The following RNGTT variants were observed in gnomAD, a reference collection of about 807,000 sequenced individuals.
RNGTT encodes the protein RNA guanylyltransferase and 5'-phosphatase.
RNGTT carries 33 observed loss-of-function variants against 79.3 expected under a neutral mutation model. That is an observed-to-expected ratio of 0.42 (90% CI 0.32 to 0.56). The LOEUF is 0.56. Among genes scored for constraint, RNGTT ranks in the 20% least tolerant of loss-of-function variants. The pLI is 0.17. For synonymous variants in RNGTT, 222 were observed against 235.9 expected (o/e 0.94, Z 0.54); for missense variants, 497 against 739.1 (o/e 0.67, Z 3.80).
intron 12 of RNGTT, 45 bp downstream of exon 12, chr6:88,801,519 C>A (rs1416501560): frequency 1.4e-6 from 2 of 1,472,624 alleles, no homozygotes; most frequent in African/African-American, 1.4e-5. Flanking sequence ...TACACACACA[C>A]ACAAACACAC....
chr6:88,784,155 A>C (rs1329568962), intron 12 of RNGTT, among the ~76,000 whole-genome samples: 1 of 152,182 alleles, frequency 6.6e-6, no homozygotes, highest in African/African-American at 2.4e-5. Flanking sequence ...TACAGGCAAT[A>C]AGGATGAGTT....
rs145327660 is a variant in RNGTT at position 88,694,019 on chromosome 6, C to A, written c.1440-15600G>T. The stretch of plus-strand genomic sequence containing the variant: ...ATATTCAACAATAAAAAGTTGAAAC[C>A]TTCTCTTCTAAGATCAGGAACAAAG... On this transcript the variant is annotated intron_variant, in intron 13 of 15. Transcript: ENST00000369485. Among the ~76,000 whole-genome samples, 3 of 152,224 alleles carry A rather than the reference C, an allele frequency of 2.0e-5. No homozygotes were observed. The East Asian group carries it at 5.8e-4, about 29-fold the overall frequency.
chr6:88,689,844 A>C (rs1248040852), intron 13 of RNGTT, among the ~76,000 whole-genome samples: 2 of 150,648 alleles, frequency 1.3e-5, no homozygotes, highest in Non-Finnish European at 2.9e-5. Context: ...ATAGTCTCAA[A>C]GTTTCTCCCC....
At chr6:88,885,918 G>A (rs182595105) in intron 8 of RNGTT, among the ~76,000 whole-genome samples, 169 of 152,214 alleles carry the variant, frequency 1.1e-3, no homozygotes, top group African/African-American at 3.8e-3. Context: ...TGAATCATGA[G>A]GAAACATCAA....
rs143049367 is a variant in RNGTT at position 88,828,625 on chromosome 6, C to T, written c.1269+15732G>A. Among the ~76,000 whole-genome samples the T allele has an allele frequency of 5.7e-3, 859 of 151,834 alleles. 6 individuals carry two copies. The highest frequency in any genetic ancestry group is 0.019 in the African/African-American group (796 of 41,414). On this transcript the variant is annotated intron_variant, in intron 11 of 15. Transcript: ENST00000369485. ...TAAAGAAGCATGTTCTAACCCAATG[C>T]GAATCTGAGAACCTTGAAAAAAGGT...
At chr6:88,938,376 C>A (rs1488056964) in intron 2 of RNGTT, among the ~76,000 whole-genome samples, 2 of 152,144 alleles carry the variant, frequency 1.3e-5, no homozygotes, top group Admixed American at 1.3e-4. Context: ...TTTCCATGTG[C>A]ATGGAACACT....
At chr6:88,773,013 A>T (rs1388598978) in intron 12 of RNGTT, among the ~76,000 whole-genome samples, 11 of 147,274 alleles carry the variant, frequency 7.5e-5, no homozygotes, top group Admixed American at 5.4e-4. Context: ...ATAAAGACAC[A>T]TGCACACGTA....
At chr6:88,620,708 C>G (rs1582242220) in intron 14 of RNGTT, among the ~76,000 whole-genome samples, 1 of 152,170 alleles carries the variant, frequency 6.6e-6, no homozygotes, top group Non-Finnish European at 1.5e-5. Context: ...TGCAATGAGG[C>G]ACCCCAGAGA....
chr6:88,884,561 A>G (rs922407653), intron 8 of RNGTT, among the ~76,000 whole-genome samples: 4 of 152,150 alleles, frequency 2.6e-5, no homozygotes, highest in South Asian at 2.1e-4. Context: ...AGAAAGGGAA[A>G]GGGTTAAAAG....
intron 12 of RNGTT, among the ~76,000 whole-genome samples, chr6:88,799,095 A>T (rs1452778163): frequency 6.6e-6 from 1 of 152,146 alleles, no homozygotes; most frequent in African/African-American, 2.4e-5. Context: ...AATGACAAAT[A>T]TTTAGAAGTT....
chr6:88,857,109 C>T (rs1344450361), intron 8 of RNGTT, among the ~76,000 whole-genome samples: 1 of 151,830 alleles, frequency 6.6e-6, no homozygotes, highest in African/African-American at 2.4e-5. Flanking sequence ...AGGTTTTCTA[C>T]CAAAACTGGA....
At chr6:88,723,743 G>A (rs1302359464) in intron 13 of RNGTT, among the ~76,000 whole-genome samples, 3 of 151,398 alleles carry the variant, frequency 2.0e-5, no homozygotes, top group Non-Finnish European at 4.4e-5. Context: ...TTTGTCTTTT[G>A]AGGCAGAGTC....
chr6:88,769,342 G>T (rs1234259589), intron 13 of RNGTT, among the ~76,000 whole-genome samples: 2 of 344 alleles, frequency 5.8e-3, no homozygotes, highest in Non-Finnish European at 7.9e-3. Context: ...TCTATTTTTG[G>T]TAGAGGGGGG....
At chr6:88,649,359 C>T (rs1425951532) in intron 14 of RNGTT, among the ~76,000 whole-genome samples, 1 of 152,146 alleles carries the variant, frequency 6.6e-6, no homozygotes, top group African/African-American at 2.4e-5. Context: ...CAGTGGGCAA[C>T]AGTTCATTTT....
At chr6:88,844,318 A>G (rs767909682) in intron 11 of RNGTT, 39 bp downstream of exon 11, 1 of 1,550,916 alleles carries the variant, frequency 6.4e-7, no homozygotes, top group South Asian at 1.1e-5. Context: ...GAATTATGAG[A>G]CATTATTAGC....
chr6:88,867,534 G>A (rs1782214312), intron 8 of RNGTT, among the ~76,000 whole-genome samples: 1 of 151,844 alleles, frequency 6.6e-6, no homozygotes, highest in South Asian at 2.1e-4. Context: ...GACAGCAGAT[G>A]TCCAAAAAAA....
intron 14 of RNGTT, among the ~76,000 whole-genome samples, chr6:88,624,763 ATTG>A (rs1475542565): frequency 4.6e-5 from 7 of 152,078 alleles, no homozygotes; most frequent in East Asian, 1.9e-4. Context: ...CTCTAAATAT[ATTG>A]TTAAGAGAAT....
At chr6:88,821,165 T>A (rs1780485434) in intron 11 of RNGTT, among the ~76,000 whole-genome samples, 1 of 152,122 alleles carries the variant, frequency 6.6e-6, no homozygotes, top group Non-Finnish European at 1.5e-5. Flanking sequence ...TACAGTCAAG[T>A]GATCTTTGAC....
chr6:88,726,210 AG>A (rs1285631586), intron 13 of RNGTT, among the ~76,000 whole-genome samples: 4 of 152,314 alleles, frequency 2.6e-5, no homozygotes, highest in African/African-American at 9.6e-5. Context: ...GAAAGCACTG[AG>A]GCCACTGACA....
Sources: gnomAD v4.1 joint callset for allele counts (sites outside exome capture counted in the v4.1 genomes callset) on GRCh38, gnomAD v4.1.1 for gene constraint, MANE v1.5 for transcripts, NCBI Gene and HGNC (gene_info 2026-07-23, HGNC 2026-07-21) for gene names.